Variants in PITPNM3 observed in about 807,000 individuals in gnomAD.
PITPNM3 encodes the protein membrane-associated phosphatidylinositol transfer protein 3.
A neutral mutation model predicts 102.0 loss-of-function variants in PITPNM3; 26 were observed. That is an observed-to-expected ratio of 0.25 (90% CI 0.19 to 0.35). The LOEUF (loss-of-function observed/expected upper bound fraction) is 0.35. Among genes scored for constraint, PITPNM3 ranks in the 10% least tolerant of loss-of-function variants. The probability of loss-of-function intolerance (pLI) is 1.00; values close to 1 mark genes in which losing one functional copy is unlikely to be tolerated. For synonymous variants in PITPNM3, 578 were observed against 558.6 expected (o/e 1.03, Z -0.49); for missense variants, 1,083 against 1,346.1 (o/e 0.80, Z 3.06).
intron 6 of PITPNM3, chr17:6,480,003 C>T (rs1156500071): frequency 6.6e-6 from 1 of 152,174 alleles, no homozygotes; most frequent in Non-Finnish European, 1.5e-5. Flanking sequence ...AGAGGGGTTC[C>T]TGAGACGGAT....
rs1904324081 is a variant in PITPNM3 at position 6,458,781 on chromosome 17, C to A, written c.2491-1059G>T. ...ACCCCGGATTCTCTCACCCCTTCAT[C>A]CTCCTCCCACACCTGCCCGGCCAAA... On this transcript the variant is annotated intron_variant, in intron 18 of 19. Transcript: ENST00000262483. The surrounding 1 kb of genome is among the most constrained non-coding windows in gnomAD (Gnocchi z 5.1). 6.6e-6 allele frequency among the ~76,000 whole-genome samples: 1 copy of A among 152,116 alleles called. No homozygotes were observed. The highest frequency in any genetic ancestry group is 6.6e-5 in the Admixed American group (1 of 15,266).
intron 6 of PITPNM3, chr17:6,480,220 C>A (rs1472731666): frequency 3.3e-5 from 5 of 152,252 alleles, no homozygotes; most frequent in African/African-American, 1.2e-4. Context: ...TGCGGAATTA[C>A]AGACCTAATC....
chr17:6,470,504 C>G lies in PITPNM3; in HGVS notation c.1625-96G>C. 1 of 1,548,176 alleles carries G rather than the reference C, an allele frequency of 6.5e-7. No individual in the cohort carries two copies. Among genetic ancestry groups the G allele is most frequent in the Non-Finnish European group, 8.9e-7 (1 of 1,126,788 alleles). On this transcript the variant is annotated intron_variant, in intron 12 of 19. Coordinates refer to ENST00000262483, the MANE Select transcript of PITPNM3 (RefSeq NM_031220.4). This position sits in a 1 kb window ranked among gnomAD's most constrained non-coding sequence, Gnocchi z 4.8. ...CCATTGCACAGACTGGTGGTGGATG[C>G]CCCACGTGGGGCACGGGTTTGGGCG...
rs1357910286 is a variant in PITPNM3 at position 6,472,942 on chromosome 17, C to T, written c.1259-115G>A. On this transcript the variant is annotated intron_variant, in intron 10 of 19. Coordinates refer to ENST00000262483, the MANE Select transcript of PITPNM3 (RefSeq NM_031220.4). The surrounding 1 kb of genome is among the most constrained non-coding windows in gnomAD (Gnocchi z 4.1). ...CCTACTCCCCTCTCAAGAGCCTCCC[C>T]GGGCTCCCTGCTCCCCACGGGAACA... 7.9e-6 allele frequency: 10 copies of T among 1,273,130 alleles called. No homozygotes were observed. The highest frequency in any genetic ancestry group is 3.0e-5 in the African/African-American group (2 of 67,426). The allele number at this position is 1,273,130 out of a possible 1,614,324, so 78.9% of individuals were successfully genotyped here. A position where few individuals can be genotyped will look rare whatever the true frequency, so the allele number is the denominator to read the frequency against.
At chr17:6,535,918 G>C (rs1178691115) in intron 2 of PITPNM3, among the ~76,000 whole-genome samples, 1 of 151,970 alleles carries the variant, frequency 6.6e-6, no homozygotes, top group Non-Finnish European at 1.5e-5. Context: ...AAAAAAATTG[G>C]TCAGACGTGG....
At chr17:6,482,072 C>G (rs552557950) in intron 6 of PITPNM3, among the ~76,000 whole-genome samples, 4 of 145,478 alleles carry the variant, frequency 2.7e-5, no homozygotes, top group African/African-American at 1.0e-4. Context: ...CTCTGTCTCT[C>G]TCTCTCTCTC....
intron 8 of PITPNM3, among the ~76,000 whole-genome samples, chr17:6,477,514 G>A (rs1303196743): frequency 6.6e-6 from 1 of 152,120 alleles, no homozygotes; most frequent in Non-Finnish European, 1.5e-5. Flanking sequence ...TGCTACTCTT[G>A]TAGAATTATG....
chr17:6,510,441 T>G (rs970657681), intron 3 of PITPNM3, among the ~76,000 whole-genome samples: 1 of 152,178 alleles, frequency 6.6e-6, no homozygotes, highest in African/African-American at 2.4e-5. Context: ...GCTCCAGCGC[T>G]ACCTCCTCTT....
At position 6,538,430 on chromosome 17, in the gene PITPNM3, A is replaced by C. The variant is rs982592926; in HGVS notation, c.23-348T>G. ...ATTAACAAATGAGCTCAGACGTTTA[A>C]ACATCAATGGTTCATTTCTCACTCA... On this transcript the variant is annotated intron_variant, in intron 1 of 19. Transcript: ENST00000262483. Among the ~76,000 whole-genome samples, 12 of 152,316 alleles carry C rather than the reference A, an allele frequency of 7.9e-5. 1 individual carries two copies. Among genetic ancestry groups the C allele is most frequent in the Admixed American group, 6.5e-5 (1 of 15,300 alleles).
In PITPNM3 at chr17:6,537,695, G is replaced by T. The variant is rs978402643; in HGVS notation, c.118+292C>A. The stretch of plus-strand genomic sequence containing the variant: ...ATTTTCTTGGATGTCTGCCTCTCCT[G>T]CAAGGCTATAAGTATGATGAGAGCA... On this transcript the variant is annotated intron_variant, in intron 2 of 19. Transcript: ENST00000262483. The surrounding 1 kb of genome is among the most constrained non-coding windows in gnomAD (Gnocchi z 4.4). 1.3e-5 allele frequency among the ~76,000 whole-genome samples: 2 copies of T among 152,200 alleles called. No homozygotes were observed. Among genetic ancestry groups the T allele is most frequent in the Non-Finnish European group, 2.9e-5 (2 of 68,038 alleles).
chr17:6,510,180 C>T (rs1236539643), intron 3 of PITPNM3, among the ~76,000 whole-genome samples: 1 of 152,202 alleles, frequency 6.6e-6, no homozygotes, highest in Non-Finnish European at 1.5e-5. Context: ...TAGTCCTTGA[C>T]AAATCTTGTC....
rs1047815968 is a variant in PITPNM3 at position 6,463,842 on chromosome 17, C to A, written c.2196G>T (p.Leu732Phe). 1 of 1,614,044 alleles carries A rather than the reference C, an allele frequency of 6.2e-7. No individual in the cohort carries two copies. The highest frequency in any genetic ancestry group is 1.3e-5 in the African/African-American group (1 of 75,046). The change falls in exon 17 of 20, where the codon TTG becomes TTT. Residue 732 changes from leucine to phenylalanine, a missense_variant. Transcript: ENST00000262483. ...ACACTACACACTCCATGCCCCTGGGCAACACCGTGAGGTAGCTCATGGCAC... is the reference window on the plus strand; with the variant it reads ...ACACTACACACTCCATGCCCCTGGGAAACACCGTGAGGTAGCTCATGGCAC... ...QTCAMSYLTVLPRGMECVVFS... is the reference protein window; with the variant it reads ...QTCAMSYLTVFPRGMECVVFS...
rs1904319715 is a variant in PITPNM3 at position 6,458,528 on chromosome 17, C to T, written c.2491-806G>A. 6.6e-6 allele frequency among the ~76,000 whole-genome samples: 1 copy of T among 152,162 alleles called. No individual in the cohort carries two copies. ...GGCAGCTTCGCACCTTCTTTCACGT[C>T]AGTGGCCGTCACTTCCAGGACCAAA... On this transcript the variant is annotated intron_variant, in intron 18 of 19. Transcript: ENST00000262483. This position sits in a 1 kb window ranked among gnomAD's most constrained non-coding sequence, Gnocchi z 5.1.
chr17:6,479,274 GAGA>G (rs1454326583), intron 6 of PITPNM3: 1 of 155,068 alleles, frequency 6.4e-6, no homozygotes, highest in Non-Finnish European at 1.4e-5. Flanking sequence ...GCATCACTGG[GAGA>G]AGATCAGAGC....
At position 6,463,893 on chromosome 17, in the gene PITPNM3, C is replaced by T; in HGVS notation, c.2157-12G>A. ...AGGTCTGGTCGCCCCTGAAAGAAACCTGCCTGTGGTCAGCCGTGAGGTCAG... is the reference window on the plus strand; with the variant it reads ...AGGTCTGGTCGCCCCTGAAAGAAACTTGCCTGTGGTCAGCCGTGAGGTCAG... On this transcript the variant is annotated splice_polypyrimidine_tract_variant and intron_variant, in intron 16 of 19. Coordinates refer to ENST00000262483, the MANE Select transcript of PITPNM3 (RefSeq NM_031220.4). 6.2e-7 allele frequency: 1 copy of T among 1,613,788 alleles called. No individual in the cohort carries two copies. The highest frequency in any genetic ancestry group is 8.5e-7 in the Non-Finnish European group (1 of 1,179,928).
At chr17:6,525,655 T>C (rs1908790086) in intron 2 of PITPNM3, among the ~76,000 whole-genome samples, 192 bp from the exon 3 acceptor site, 1 of 152,304 alleles carries the variant, frequency 6.6e-6, no homozygotes, top group East Asian at 1.9e-4. Context: ...AAGAAGGTAC[T>C]GTTGTACCCT....
At chr17:6,505,599 G>A (rs1181992903) in intron 3 of PITPNM3, among the ~76,000 whole-genome samples, 1 of 152,228 alleles carries the variant, frequency 6.6e-6, no homozygotes. Flanking sequence ...CACAGGTCAG[G>A]GAGCGAAGAC....
At chr17:6,484,745 G>GTAAAACATGT (rs1362263801) in intron 4 of PITPNM3, among the ~76,000 whole-genome samples, 1 of 151,864 alleles carries the variant, frequency 6.6e-6, no homozygotes, top group African/African-American at 2.4e-5. Context: ...CAGAGAGCTG[G>GTAAAACATGT]TAAAACATGT....
At chr17:6,549,394 G>GT (rs1910191145) in intron 1 of PITPNM3, among the ~76,000 whole-genome samples, 1 of 152,244 alleles carries the variant, frequency 6.6e-6, no homozygotes, top group South Asian at 2.1e-4. Context: ...CCCCATGAAC[G>GT]TGTGAGCCTC....
Sources: gnomAD v4.1 joint callset for allele counts (sites outside exome capture counted in the v4.1 genomes callset) on GRCh38, gnomAD v4.1.1 for gene constraint, Gnocchi (gnomAD v3.1) non-coding constraint, MANE v1.5 for transcripts, NCBI Gene and HGNC (gene_info 2026-07-23, HGNC 2026-07-21) for gene names.